Variants in ANK3 observed in about 807,000 individuals in gnomAD.
ANK3 encodes ankyrin 3, also known as ankyrin-3.
ANK3 carries 57 observed loss-of-function variants against 370.9 expected under a neutral mutation model. The observed-to-expected ratio is 0.15, with a 90% CI of 0.12 to 0.19. The LOEUF (loss-of-function observed/expected upper bound fraction) is 0.19. ANK3 is among the 10% of genes least tolerant of loss of function. The pLI, the probability that ANK3 is intolerant of heterozygous loss-of-function variation, is 1.00. For synonymous variants in ANK3, 1,929 were observed against 1,946.3 expected (o/e 0.99, Z 0.23); for missense variants, 4,439 against 5,302.1 (o/e 0.84, Z 5.06).
chr10:60,335,049 A>C (rs1432951701), intron 1 of ANK3, among the ~76,000 whole-genome samples: 7 of 152,108 alleles, frequency 4.6e-5, no homozygotes, highest in Non-Finnish European at 8.8e-5. Flanking sequence ...TAGGTCCTCT[A>C]TTTCAACTTA....
At chr10:60,364,467 C>G (rs1487801853) in intron 1 of ANK3, among the ~76,000 whole-genome samples, 2 of 151,996 alleles carry the variant, frequency 1.3e-5, no homozygotes, top group Non-Finnish European at 2.9e-5. Context: ...ACCGCATGTT[C>G]TCACTCATAA....
chr10:60,412,821 T>C (rs2063586887), intron 2 of ANK3, among the ~76,000 whole-genome samples: 1 of 152,226 alleles, frequency 6.6e-6, no homozygotes, highest in African/African-American at 2.4e-5. Context: ...ACTTTCTATT[T>C]AGAATTATGA....
intron 1 of ANK3, among the ~76,000 whole-genome samples, chr10:60,367,997 C>T (rs1163963041): frequency 6.6e-6 from 1 of 152,044 alleles, no homozygotes; most frequent in African/African-American, 2.4e-5. Context: ...TAATGCTTGT[C>T]TATTTTAATA....
intron 26 of ANK3, among the ~76,000 whole-genome samples, chr10:60,112,377 A>G (rs1029926942): frequency 7.9e-5 from 12 of 151,634 alleles, no homozygotes; most frequent in African/African-American, 2.9e-4. Context: ...TGCTTTTCCA[A>G]TATTAGACCC....
chr10:60,284,756 T>C (rs1404921866), intron 1 of ANK3, among the ~76,000 whole-genome samples: 1 of 151,824 alleles, frequency 6.6e-6, no homozygotes, highest in Non-Finnish European at 1.5e-5. Context: ...ACCCAGTGAG[T>C]ACATAACATA....
intron 1 of ANK3, among the ~76,000 whole-genome samples, chr10:60,703,335 G>A (rs1365168125): frequency 6.6e-6 from 1 of 152,104 alleles, no homozygotes; most frequent in Admixed American, 6.6e-5. Context: ...TGAAATATGT[G>A]GGGCTGAAAT....
intron 18 of ANK3, among the ~76,000 whole-genome samples, chr10:60,177,835 C>T (rs575682077): frequency 1.3e-5 from 2 of 152,106 alleles, no homozygotes; most frequent in Non-Finnish European, 2.9e-5. Flanking sequence ...CTCTTGACCT[C>T]GTGATCTGGC....
intron 2 of ANK3, among the ~76,000 whole-genome samples, chr10:60,559,256 T>TCAC (rs1304482067): frequency 6.6e-6 from 1 of 152,150 alleles, no homozygotes. Flanking sequence ...CTTTTATCCC[T>TCAC]CACCACCCCC....
chr10:60,073,742 T>C lies in ANK3; in HGVS notation c.7139A>G (p.His2380Arg). Residue 2380 changes from histidine to arginine, a missense_variant, in exon 37 of 44, where the codon CAC becomes CGC. By Grantham distance (29) the His-to-Arg change is conservative. This residue lies in a region of ANK3 where 1,601 missense variants were observed against 1,731.7 expected (regional missense o/e 0.92). Transcript: ENST00000280772. ...TTCCTCTGAACAAGGAAAAGCATCG[T>C]GTTTTTCTGGCAGAAAATCTTTTAG... ...INLKDFLPEK[H>R]DAFPCSEEQG... The C allele has an allele frequency of 6.2e-7, 1 of 1,613,988 alleles. No individual in the cohort carries two copies. Among genetic ancestry groups the C allele is most frequent in the Non-Finnish European group, 8.5e-7 (1 of 1,180,016 alleles).
chr10:60,036,338 A>T (rs1438836532), intron 43 of ANK3, among the ~76,000 whole-genome samples: 2 of 150,240 alleles, frequency 1.3e-5, no homozygotes, highest in Non-Finnish European at 3.0e-5. Context: ...TTTTTTTAAT[A>T]CTAGTAGCAA....
At chr10:60,378,147 A>T (rs2061061046) in intron 1 of ANK3, among the ~76,000 whole-genome samples, 2 of 152,178 alleles carry the variant, frequency 1.3e-5, no homozygotes, top group Admixed American at 1.3e-4. Flanking sequence ...CTATCCTGAT[A>T]ATAAGAAAAG....
At chr10:60,479,951 C>G (rs1171214474) in intron 2 of ANK3, among the ~76,000 whole-genome samples, 1 of 152,116 alleles carries the variant, frequency 6.6e-6, no homozygotes, top group Non-Finnish European at 1.5e-5. Flanking sequence ...TTTGATTGCT[C>G]CCATTACATC....
intron 18 of ANK3, among the ~76,000 whole-genome samples, chr10:60,176,525 G>A (rs887053747): frequency 1.3e-5 from 2 of 152,118 alleles, no homozygotes; most frequent in African/African-American, 4.8e-5. Context: ...ACTTTTGGAG[G>A]CCGAGGCCGG....
At chr10:60,720,276 A>G (rs1263185967) in intron 1 of ANK3, among the ~76,000 whole-genome samples, 1 of 152,230 alleles carries the variant, frequency 6.6e-6, no homozygotes, top group African/African-American at 2.4e-5. Context: ...AGTGCTTTCC[A>G]TGAAGGATCA....
intron 1 of ANK3, among the ~76,000 whole-genome samples, chr10:60,648,158 C>T (rs148450105): frequency 5.9e-5 from 6 of 101,578 alleles, no homozygotes; most frequent in African/African-American, 7.9e-5. Flanking sequence ...TTTTTTTTTC[C>T]TTTTTTTTTT....
intron 21 of ANK3, among the ~76,000 whole-genome samples, chr10:60,167,817 A>G (rs1257991330): frequency 6.6e-6 from 1 of 152,206 alleles, no homozygotes; most frequent in Non-Finnish European, 1.5e-5. Flanking sequence ...TACTTGGTAA[A>G]TGTGATTTCT....
intron 2 of ANK3, among the ~76,000 whole-genome samples, chr10:60,566,651 T>C (rs950902990): frequency 1.3e-5 from 2 of 152,146 alleles, no homozygotes; most frequent in African/African-American, 4.8e-5. Flanking sequence ...GATTGGAGGA[T>C]TGCTCGAGGC....
chr10:60,516,952 C>A (rs765035001), intron 2 of ANK3, among the ~76,000 whole-genome samples: 8 of 152,022 alleles, frequency 5.3e-5, no homozygotes, highest in Non-Finnish European at 1.2e-4. Context: ...TACTGTAGAG[C>A]CACGTTCCAT....
At chr10:60,091,990 A>C (rs1050062391) in intron 28 of ANK3, among the ~76,000 whole-genome samples, 2 of 152,144 alleles carry the variant, frequency 1.3e-5, no homozygotes, top group Non-Finnish European at 2.9e-5. Flanking sequence ...CAGCCTCCCA[A>C]AGTGCTGGGA....
Sources: allele counts gnomAD v4.1 joint callset (sites outside exome capture counted in the v4.1 genomes callset), GRCh38; gene constraint gnomAD v4.1.1; regional missense constraint gnomAD v4.1.1; transcripts MANE v1.5; gene names NCBI Gene and HGNC (gene_info 2026-07-23, HGNC 2026-07-21).